The following CNTNAP5 variants were observed in gnomAD, a reference collection of about 807,000 sequenced individuals.
CNTNAP5 encodes the protein contactin associated protein family member 5.
Under a neutral mutation model 150.2 loss-of-function variants are expected in CNTNAP5, and 72 were observed. The ratio of observed to expected loss-of-function variants is 0.48; its 90% CI spans 0.40 to 0.58. The LOEUF (loss-of-function observed/expected upper bound fraction) is 0.58. Ranked by LOEUF, CNTNAP5 falls within the 20% of genes least tolerant of loss-of-function variation. The probability of loss-of-function intolerance (pLI) is 0.00; values close to 1 mark genes in which losing one functional copy is unlikely to be tolerated. For synonymous variants in CNTNAP5, 672 were observed against 619.8 expected, an observed-to-expected ratio of 1.08 and a Z score of -1.25; for missense variants, 1,636 against 1,626.2, an observed-to-expected ratio of 1.01 and a Z score of -0.10.
chr2:124,775,572 C>T (rs545446507), intron 17 of CNTNAP5, among the ~76,000 whole-genome samples: 3 of 152,116 alleles, frequency 2.0e-5, no homozygotes, highest in African/African-American at 2.4e-5. Context: ...AAATAGGCTG[C>T]GTTTTTACAA....
intron 13 of CNTNAP5, among the ~76,000 whole-genome samples, chr2:124,742,857 T>A (rs1165382500): frequency 6.6e-6 from 1 of 152,064 alleles, no homozygotes; most frequent in Non-Finnish European, 1.5e-5. Context: ...TCCCATCAGG[T>A]CCCAGTCCTC....
chr2:124,914,332 T>C lies in CNTNAP5; in HGVS notation c.*44T>C, dbSNP rs778120654. On this transcript the variant is annotated 3_prime_UTR_variant, in exon 24 of 24. Coordinates refer to ENST00000682447, the MANE Select transcript of CNTNAP5 (RefSeq NM_001367498.1). ...CTACTCTTTTTTCTTGTTGTTCAAT[T>C]ATCTCCTCCCCCTCTTCTCTCCTGT... 3.7e-6 allele frequency: 5 copies of C among 1,352,978 alleles called. No individual in the cohort carries two copies. The highest frequency in any genetic ancestry group is 1.2e-5 in the South Asian group (1 of 80,170). 83.8% of individuals were successfully genotyped at this position (1,352,978 alleles called of 1,614,324 possible).
At chr2:124,068,666 G>A (rs377108655) in intron 1 of CNTNAP5, among the ~76,000 whole-genome samples, 25 of 151,850 alleles carry the variant, frequency 1.6e-4, no homozygotes, top group African/African-American at 5.1e-4. Context: ...TTCAACACCA[G>A]GTAGCACAAC....
At chr2:124,345,963 A>G (rs1203089220) in intron 3 of CNTNAP5, among the ~76,000 whole-genome samples, 3 of 152,238 alleles carry the variant, frequency 2.0e-5, no homozygotes, top group Non-Finnish European at 4.4e-5. Flanking sequence ...GACAAGTTAC[A>G]AACATGTGAA....
chr2:124,344,015 C>A (rs541904808), intron 3 of CNTNAP5, among the ~76,000 whole-genome samples: 1 of 152,214 alleles, frequency 6.6e-6, no homozygotes, highest in African/African-American at 2.4e-5. Context: ...TCAGTTGTAC[C>A]AGAACAAGAA....
intron 11 of CNTNAP5, among the ~76,000 whole-genome samples, chr2:124,575,473 T>G (rs1696262221): frequency 6.6e-6 from 1 of 152,224 alleles, no homozygotes; most frequent in East Asian, 1.9e-4. Flanking sequence ...TGGCCCTGTA[T>G]GTGTCCACTT....
intron 19 of CNTNAP5, among the ~76,000 whole-genome samples, chr2:124,850,987 G>A (rs1344397554): frequency 1.3e-5 from 2 of 152,178 alleles, no homozygotes; most frequent in Non-Finnish European, 2.9e-5. Context: ...ATTAAAAAGA[G>A]GCATTAGAGA....
chr2:124,578,300 A>G (rs1450518114), intron 11 of CNTNAP5, among the ~76,000 whole-genome samples: 1 of 150,206 alleles, frequency 6.7e-6, no homozygotes, highest in Non-Finnish European at 1.5e-5. Context: ...ACTGCACTCC[A>G]GTCTGGGGGA....
At chr2:124,025,778 C>T (rs377328203) in intron 1 of CNTNAP5, 46 bp downstream of exon 1, 9 of 1,441,148 alleles carry the variant, frequency 6.2e-6, no homozygotes, top group Admixed American at 3.3e-5. Context: ...GGAAAACGAT[C>T]GCATTCAGAA....
At chr2:124,655,537 TTATATATA>T (rs35983123) in intron 13 of CNTNAP5, among the ~76,000 whole-genome samples, 9,932 of 148,096 alleles carry the variant, frequency 0.067, 481 homozygotes, top group Non-Finnish European at 0.098. Context: ...CATCAAATGA[TTATATATA>T]TATATATATA....
intron 12 of CNTNAP5, among the ~76,000 whole-genome samples, chr2:124,619,942 G>T (rs1321583937): frequency 3.1e-5 from 4 of 130,054 alleles, no homozygotes; most frequent in African/African-American, 1.3e-4. Flanking sequence ...TATATGTAGT[G>T]CACACACACA....
At chr2:124,854,394 C>A (rs910518092) in intron 19 of CNTNAP5, among the ~76,000 whole-genome samples, 4 of 152,132 alleles carry the variant, frequency 2.6e-5, no homozygotes, top group African/African-American at 9.7e-5. Context: ...AGTTTTTATA[C>A]CTCTGTAAAA....
At position 124,916,219 on chromosome 2, in the gene CNTNAP5, A is replaced by G. The variant is rs1158317019; in HGVS notation, c.*1931A>G. On this transcript the variant is annotated 3_prime_UTR_variant, in exon 24 of 24. Transcript: ENST00000682447. The stretch of plus-strand genomic sequence containing the variant: ...TCAATCGCTTTATCATCTACATGAT[A>G]TCTTTTGGCTAGTACATTTATTTTA... Among the ~76,000 whole-genome samples the G allele has an allele frequency of 6.6e-6, 1 of 152,112 alleles. No homozygotes were observed. Among genetic ancestry groups the G allele is most frequent in the Non-Finnish European group, 1.5e-5 (1 of 67,994 alleles).
intron 1 of CNTNAP5, among the ~76,000 whole-genome samples, chr2:124,115,648 C>CTTTT (rs10666342): frequency 9.7e-5 from 12 of 123,722 alleles, no homozygotes; most frequent in East Asian, 5.0e-4. Context: ...GTATAATAGT[C>CTTTT]TTTTTTTTTT....
At chr2:124,785,003 T>C (rs1369141268) in intron 17 of CNTNAP5, among the ~76,000 whole-genome samples, 1 of 147,764 alleles carries the variant, frequency 6.8e-6, no homozygotes, top group Non-Finnish European at 1.5e-5. Context: ...ACCAGAGGCA[T>C]TGCTCTGGTC....
At chr2:124,909,775 G>C (rs1421911722) in intron 22 of CNTNAP5, among the ~76,000 whole-genome samples, 5 of 125,830 alleles carry the variant, frequency 4.0e-5, no homozygotes, top group African/African-American at 1.5e-4. Flanking sequence ...CTCTCTCTCT[G>C]TCTCTAACAC....
Position 124,915,615 on chromosome 2 carries a change from A to G in CNTNAP5, c.*1327A>G, listed in dbSNP as rs1573710607. ...CACATTTTCAAATCTGCTATACCCT[A>G]TATACATAAAGACCCTTCCAAACAT... On this transcript the variant is annotated 3_prime_UTR_variant, in exon 24 of 24. Transcript: ENST00000682447. 6.6e-6 allele frequency among the ~76,000 whole-genome samples: 1 copy of G among 152,018 alleles called. No individual in the cohort carries two copies. The highest frequency in any genetic ancestry group is 6.6e-5 in the Admixed American group (1 of 15,250).
intron 3 of CNTNAP5, among the ~76,000 whole-genome samples, chr2:124,325,602 G>A (rs1244693764): frequency 6.6e-6 from 1 of 152,078 alleles, no homozygotes; most frequent in Non-Finnish European, 1.5e-5. Context: ...AAAAACTTTG[G>A]CTGTGAGCTC....
Position 124,599,445 on chromosome 2 carries a change from G to A in CNTNAP5, c.1757-10356G>A, listed in dbSNP as rs191076395. Among the ~76,000 whole-genome samples the A allele has an allele frequency of 3.6e-3, 544 of 151,998 alleles. 1 individual carries two copies. The highest frequency in any genetic ancestry group is 6.1e-3 in the Non-Finnish European group (415 of 67,968). On this transcript the variant is annotated intron_variant, in intron 11 of 23. Transcript: ENST00000682447. The stretch of plus-strand genomic sequence containing the variant: ...TGGCCATTATGTAATTTTAAAATAC[G>A]TTATTTAGTTCTGTTTGCTGACACT...
Sources: gnomAD v4.1 joint callset for allele counts (sites outside exome capture counted in the v4.1 genomes callset) on GRCh38, gnomAD v4.1.1 for gene constraint, MANE v1.5 for transcripts, NCBI Gene and HGNC (gene_info 2026-07-23, HGNC 2026-07-21) for gene names.